ADGRV1: variants seen among roughly 807,000 people sequenced by gnomAD.
ADGRV1 encodes the protein adhesion G protein-coupled receptor V1, also known as G-protein coupled receptor 98.
In ADGRV1, 359 loss-of-function variants were observed where a neutral mutation model predicts 596.2. The observed-to-expected ratio is 0.60, with a 90% CI of 0.55 to 0.66. The LOEUF (loss-of-function observed/expected upper bound fraction) is 0.66, where lower values mean the gene tolerates loss of function less well. Ranked by LOEUF, ADGRV1 falls within the 30% of genes least tolerant of loss-of-function variation. The pLI is 0.00. For missense variants in ADGRV1, 7,274 were observed against 7,575.6 expected (o/e 0.96, Z 1.48); for synonymous variants, 2,681 against 2,679.2 (o/e 1.00, Z -0.02).
intron 27 of ADGRV1, 122 bp from the exon 28 acceptor site, chr5:90,683,464 G>T: frequency 1.3e-6 from 1 of 765,620 alleles, no homozygotes; most frequent in South Asian, 2.1e-5. Flanking sequence ...CAGCAGTCTT[G>T]TAGTCTGGAG....
chr5:90,983,029 A>G (rs1037837130), intron 84 of ADGRV1, among the ~76,000 whole-genome samples: 2 of 152,256 alleles, frequency 1.3e-5, no homozygotes, highest in African/African-American at 4.8e-5. Context: ...ATTACATTCT[A>G]GTATTTCTAG....
In ADGRV1 at chr5:90,791,320, G is replaced by T; in HGVS notation, c.14491G>T (p.Val4831Leu). 6.4e-7 allele frequency: 1 copy of T among 1,572,596 alleles called. No individual in the cohort carries two copies. Among genetic ancestry groups the T allele is most frequent in the Non-Finnish European group, 8.6e-7 (1 of 1,157,612 alleles). The change falls in exon 70 of 90, where the codon GTG (valine) becomes TTG (leucine). Residue 4831 changes from valine (V) to leucine (L), a missense_variant. This residue lies in a region of ADGRV1 where 1,874 missense variants were observed against 1,970.2 expected (regional missense o/e 0.95). Coordinates refer to ENST00000405460, the MANE Select transcript of ADGRV1 (RefSeq NM_032119.4). ...GGTCAAAGATGGTGCCACATATAAAGTGGACGTGGTGCCAATAAAGAATCA... is the reference window on the plus strand; with the variant it reads ...GGTCAAAGATGGTGCCACATATAAATTGGACGTGGTGCCAATAAAGAATCA... ...LVVKDGATYK[V>L]DVVPIKNQVF...
chr5:90,679,758 G>A (rs1442381459), intron 26 of ADGRV1, 129 bp downstream of exon 26: 2 of 575,968 alleles, frequency 3.5e-6, no homozygotes, highest in African/African-American at 3.8e-5. Context: ...CTTATTAACT[G>A]TCACAGAAAC....
intron 67 of ADGRV1, among the ~76,000 whole-genome samples, chr5:90,787,435 A>T (rs951239559): frequency 6.6e-6 from 1 of 152,074 alleles, no homozygotes; most frequent in African/African-American, 2.4e-5. Flanking sequence ...GCAGGACAGT[A>T]TTGTACTTAT....
chr5:90,667,897 G>A (rs1167875083), intron 21 of ADGRV1, among the ~76,000 whole-genome samples: 5 of 152,152 alleles, frequency 3.3e-5, no homozygotes, highest in Non-Finnish European at 7.3e-5. Context: ...CCCCTGTTGG[G>A]GGGTGCCTCC....
intron 84 of ADGRV1, among the ~76,000 whole-genome samples, chr5:90,983,042 C>T (rs1780208343): frequency 6.6e-6 from 1 of 152,012 alleles, no homozygotes; most frequent in African/African-American, 2.4e-5. Flanking sequence ...ATTTCTAGTC[C>T]ATAGCTTTAA....
rs773955511 is a variant in ADGRV1, at chr5:90,681,376, C to T, written c.5586C>T (p.Gly1862=). The part of the protein sequence containing the change: ...VTIAASDHAH[G]VFEFSPESLF... The stretch of plus-strand genomic sequence containing the variant: ...TTGCAGCCTCTGACCACGCTCATGG[C>T]GTATTTGAATTTAGCCCTGAGTCAC... Residue 1862 remains glycine (G), a synonymous_variant, in exon 27 of 90, where the codon GGC becomes GGT. Coordinates refer to ENST00000405460, the MANE Select transcript of ADGRV1 (RefSeq NM_032119.4). The T allele has an allele frequency of 5.0e-6, 8 of 1,613,726 alleles. No individual in the cohort carries two copies. The East Asian group carries it at 6.7e-5, about 13-fold the overall frequency.
At position 90,692,612 on chromosome 5, in the gene ADGRV1, A is replaced by G. The variant is rs770308858; in HGVS notation, c.6959A>G (p.Gln2320Arg). 15 of 1,606,982 alleles carry G rather than the reference A, an allele frequency of 9.3e-6. No homozygotes were observed. The highest frequency in any genetic ancestry group is 1.3e-5 in the Non-Finnish European group (15 of 1,177,080). ...DDVPEIEEVI[Q>R]VQLTDASGGG... ...TTTTCACTGTATTTTTAGGTTATCC[A>G]AGTGCAACTAACTGATGCCTCTGGT... The change falls in exon 32 of 90, where the codon CAA (glutamine) becomes CGA (arginine). Residue 2320 changes from glutamine (Q) to arginine (R), a missense_variant. By Grantham distance (43) the Gln-to-Arg change is conservative. Transcript: ENST00000405460.
chr5:90,923,789 C>A (rs1201328476), intron 83 of ADGRV1, among the ~76,000 whole-genome samples: 1 of 151,174 alleles, frequency 6.6e-6, no homozygotes, highest in East Asian at 1.9e-4. Context: ...CTGCCCCCCA[C>A]CCCACCACAG....
intron 52 of ADGRV1, among the ~76,000 whole-genome samples, chr5:90,749,785 G>C (rs990961553): frequency 1.4e-4 from 22 of 152,176 alleles, no homozygotes; most frequent in Admixed American, 1.3e-3. Context: ...TATGTTTGGT[G>C]AAGAATGGTG....
intron 77 of ADGRV1, among the ~76,000 whole-genome samples, chr5:90,839,157 C>T (rs1479883407): frequency 6.6e-6 from 1 of 152,058 alleles, no homozygotes; most frequent in Non-Finnish European, 1.5e-5. Flanking sequence ...GAATAATGAA[C>T]CTACATGCCT....
rs1435520151 is a variant in ADGRV1, at chr5:90,728,870, G to A, written c.10363G>A (p.Glu3455Lys). The A allele has an allele frequency of 6.2e-7, 1 of 1,613,502 alleles. No individual in the cohort carries two copies. Among genetic ancestry groups the A allele is most frequent in the Non-Finnish European group, 8.5e-7 (1 of 1,179,736 alleles). ...AGAGGTGCCTGTCAGTGGGACAACA[G>A]AAGTTGAGGCTTTGTCTTCAGCCAA... ...FQEVPVSGTT[E>K]VEALSSANDI... The change falls in exon 49 of 90, where the codon GAA (glutamate) becomes AAA (lysine). Residue 3455 changes from glutamate (E) to lysine (K), a missense_variant. Glu to Lys is a moderately conservative substitution (Grantham distance 56). This residue lies in a region of ADGRV1 where 3,643 missense variants were observed against 3,809.2 expected (regional missense o/e 0.96). Transcript: ENST00000405460.
At chr5:90,866,424 A>T (rs1467642988) in intron 83 of ADGRV1, among the ~76,000 whole-genome samples, 1 of 151,658 alleles carries the variant, frequency 6.6e-6, no homozygotes. Flanking sequence ...TTGAATCTGG[A>T]GTTTGTCATT....
rs75624402 is a variant in ADGRV1 at position 90,742,628 on chromosome 5, C to T, written c.10550-2418C>T. 4.2e-3 allele frequency among the ~76,000 whole-genome samples: 645 copies of T among 152,036 alleles called. 5 individuals are homozygous for T. Among genetic ancestry groups the T allele is most frequent in the East Asian group, 0.034 (176 of 5,168 alleles). On this transcript the variant is annotated intron_variant, in intron 50 of 89. Coordinates refer to ENST00000405460, the MANE Select transcript of ADGRV1 (RefSeq NM_032119.4). ...GAAAGAGAGAGCATGTGTGTGTGTG[C>T]GCACGGGTGTGCATGCATGTGTGGC...
intron 85 of ADGRV1, among the ~76,000 whole-genome samples, chr5:91,018,355 C>T (rs557440355): frequency 1.3e-5 from 2 of 152,022 alleles, no homozygotes; most frequent in Admixed American, 1.3e-4. Flanking sequence ...GCCAGAGATT[C>T]CATGGGAGAT....
At position 90,822,573 on chromosome 5, in the gene ADGRV1, G is replaced by A. The variant is rs1263509255; in HGVS notation, c.16197-852G>A. Among the ~76,000 whole-genome samples the A allele has an allele frequency of 5.3e-5, 8 of 152,246 alleles. No individual in the cohort carries two copies. The South Asian group carries it at 1.7e-3, about 32-fold the overall frequency. ...GAGGTCAGGTAGCGTGATGCCTCCA[G>A]CTTTGTTCTTTTGGCTTAGGACTGA... is the stretch of plus-strand genomic sequence containing the variant. On this transcript the variant is annotated intron_variant, in intron 75 of 89. Transcript: ENST00000405460.
chr5:90,903,894 C>G (rs1280572716), intron 83 of ADGRV1, among the ~76,000 whole-genome samples: 1 of 151,954 alleles, frequency 6.6e-6, no homozygotes, highest in Non-Finnish European at 1.5e-5. Context: ...ATTAACCATC[C>G]TTTCCTTTCT....
At chr5:91,037,022 A>C (rs567039733) in intron 85 of ADGRV1, among the ~76,000 whole-genome samples, 2 of 152,312 alleles carry the variant, frequency 1.3e-5, no homozygotes, top group East Asian at 3.9e-4. Context: ...GACAGATATG[A>C]ACATTCTGGG....
chr5:91,082,568 T>A (rs951538866), intron 86 of ADGRV1, among the ~76,000 whole-genome samples: 1 of 152,206 alleles, frequency 6.6e-6, no homozygotes, highest in Admixed American at 6.5e-5. Flanking sequence ...TCTTCCATTC[T>A]ACTCTTGGGT....
Sources: gnomAD v4.1 joint callset for allele counts (sites outside exome capture counted in the v4.1 genomes callset) on GRCh38, gnomAD v4.1.1 for gene constraint, gnomAD v4.1.1 regional missense constraint, MANE v1.5 for transcripts, NCBI Gene and HGNC (gene_info 2026-07-23, HGNC 2026-07-21) for gene names.